The following PLXNA4 variants were observed in gnomAD, a reference collection of about 807,000 sequenced individuals.
The protein encoded by PLXNA4 is plexin-A4.
A neutral mutation model predicts 191.8 loss-of-function variants in PLXNA4; 44 were observed. The ratio of observed to expected loss-of-function variants is 0.23; its 90% CI spans 0.18 to 0.29. PLXNA4 has a LOEUF of 0.29. Ranked by LOEUF, PLXNA4 falls within the 10% of genes least tolerant of loss-of-function variation. The pLI, the probability that PLXNA4 is intolerant of heterozygous loss-of-function variation, is 1.00. For synonymous variants in PLXNA4, 1,082 were observed against 1,009.5 expected (o/e 1.07, Z -1.36); for missense variants, 1,800 against 2,488.8 (o/e 0.72, Z 5.89).
intron 30 of PLXNA4, among the ~76,000 whole-genome samples, chr7:132,140,179 C>A (rs1452659573): frequency 6.6e-6 from 1 of 152,210 alleles, no homozygotes; most frequent in Admixed American, 6.5e-5. Flanking sequence ...GAACTGCCAG[C>A]CAGACGGTAG....
chr7:132,575,941 G>A (rs897849484), intron 1 of PLXNA4, among the ~76,000 whole-genome samples: 2 of 152,150 alleles, frequency 1.3e-5, no homozygotes, highest in African/African-American at 4.8e-5. Context: ...CTGTGGGTCT[G>A]TCTCCCGTTG....
chr7:132,309,394 C>T (rs1801642692), intron 3 of PLXNA4, among the ~76,000 whole-genome samples: 1 of 152,056 alleles, frequency 6.6e-6, no homozygotes, highest in South Asian at 2.1e-4. Flanking sequence ...AGTGGCTCTG[C>T]ATGGTGTCAG....
chr7:132,403,775 G>A, intron 3 of PLXNA4, among the ~76,000 whole-genome samples: 1 of 152,126 alleles, frequency 6.6e-6, no homozygotes, highest in East Asian at 1.9e-4. Context: ...AGGGAAGAGG[G>A]CATTTGGGGG....
In PLXNA4 at chr7:132,460,515, A is replaced by G. The variant is rs144276680; in HGVS notation, c.1371+28777T>C. On this transcript the variant is annotated intron_variant, in intron 3 of 31. Transcript: ENST00000321063. The stretch of plus-strand genomic sequence containing the variant: ...AGTGACAGCTTCATAGGCTTCCCAG[A>G]GGTTCAGGTGGCAAAGAACCTTGGG... Among the ~76,000 whole-genome samples, 719 of 152,292 alleles carry G rather than the reference A, an allele frequency of 4.7e-3. 12 individuals carry two copies. The highest frequency in any genetic ancestry group is 0.016 in the African/African-American group (676 of 41,556).
chr7:132,342,398 TAAG>T (rs1585013739), intron 3 of PLXNA4, among the ~76,000 whole-genome samples: 1 of 152,010 alleles, frequency 6.6e-6, no homozygotes, highest in East Asian at 1.9e-4. Flanking sequence ...GGCTATAAAA[TAAG>T]AAGCTTCTGT....
chr7:132,365,360 T>C (rs79812373), intron 3 of PLXNA4, among the ~76,000 whole-genome samples: 2,841 of 128,814 alleles, frequency 0.022, 83 homozygotes, highest in African/African-American at 0.075. Flanking sequence ...TGTGTGTGTG[T>C]GCGTGCGCGC....
chr7:132,381,775 G>C (rs1035357267), intron 3 of PLXNA4, among the ~76,000 whole-genome samples: 2 of 152,208 alleles, frequency 1.3e-5, no homozygotes, highest in Non-Finnish European at 2.9e-5. Context: ...CCAGGGCTGA[G>C]GCTTTAATGG....
At chr7:132,311,193 T>TGTGTGTGTGTGTGTGTGTGTGTGTGC (rs71178034) in intron 3 of PLXNA4, among the ~76,000 whole-genome samples, 1 of 89,828 alleles carries the variant, frequency 1.1e-5, no homozygotes, top group African/African-American at 3.9e-5. Context: ...TGTGTGTGTG[T>TGTGTGTGTGTGTGTGTGTGTGTGTGC]GCGCGTGTGG....
chr7:132,170,554 G>A (rs1316736682), intron 21 of PLXNA4, among the ~76,000 whole-genome samples: 1 of 152,238 alleles, frequency 6.6e-6, no homozygotes. Flanking sequence ...CGCAGAGGGT[G>A]GCAGAACATT....
At position 132,521,224 on chromosome 7, in the gene PLXNA4, T is replaced by G. The variant is rs1228394948; in HGVS notation, c.-86-12445A>C. Among the ~76,000 whole-genome samples the G allele has an allele frequency of 2.7e-5, 4 of 147,206 alleles. No homozygotes were observed. In the East Asian group the frequency reaches 7.9e-4, roughly 29 times the overall value. ...AAAATTCAGAATGACGGCAACAAAG[T>G]TTTGGGGCCAGGCACTACTACCTGA... is the stretch of plus-strand genomic sequence containing the variant. On this transcript the variant is annotated intron_variant, in intron 1 of 31. Coordinates refer to ENST00000321063, the MANE Select transcript of PLXNA4 (RefSeq NM_020911.2).
chr7:132,322,878 T>C (rs565766630), intron 3 of PLXNA4, among the ~76,000 whole-genome samples: 1 of 152,308 alleles, frequency 6.6e-6, no homozygotes, highest in South Asian at 2.1e-4. Flanking sequence ...CGGCTTCCTG[T>C]GACTTAAGAG....
chr7:132,147,027 AG>A (rs1795456307), intron 27 of PLXNA4, among the ~76,000 whole-genome samples: 1 of 152,228 alleles, frequency 6.6e-6, no homozygotes. Context: ...AGAGTTCTCA[AG>A]TCACGTCTCA....
chr7:132,487,475 C>G (rs1797608481), intron 3 of PLXNA4, among the ~76,000 whole-genome samples: 1 of 152,228 alleles, frequency 6.6e-6, no homozygotes. Context: ...TTAGAATTCA[C>G]TTTTCCAGCA....
rs1476319066 is a variant in PLXNA4, at chr7:132,198,530, C to T, written c.2693G>A (p.Gly898Asp). ...RDIASHVKVA[G>D]VECSPLVDGY... ...ATCCACTAAAGGGCTGCACTCCACG[C>T]CAGCAACCTTGACATGGGAGGCGAT... The change falls in exon 13 of 32, where the codon GGC becomes GAC. Residue 898 changes from glycine (G) to aspartate (D), a missense_variant. Physicochemically the swap from Gly to Asp is moderately conservative, Grantham distance 94. Coordinates refer to ENST00000321063, the MANE Select transcript of PLXNA4 (RefSeq NM_020911.2). The T allele has an allele frequency of 6.2e-7, 1 of 1,614,156 alleles. No individual in the cohort carries two copies. Among genetic ancestry groups the T allele is most frequent in the Non-Finnish European group, 8.5e-7 (1 of 1,180,064 alleles).
At chr7:132,276,442 C>G (rs899811402) in intron 4 of PLXNA4, among the ~76,000 whole-genome samples, 8 of 152,028 alleles carry the variant, frequency 5.3e-5, no homozygotes, top group African/African-American at 1.9e-4. Context: ...CTGCAATGAC[C>G]CCCCCTTTCC....
chr7:132,457,302 T>G (rs1796349738), intron 3 of PLXNA4, among the ~76,000 whole-genome samples: 1 of 152,258 alleles, frequency 6.6e-6, no homozygotes, highest in African/African-American at 2.4e-5. Context: ...ACTGCACTGA[T>G]ATTTTTCTTC....
chr7:132,627,185 C>G (rs565857404), intron 2 of PLXNA4, among the ~76,000 whole-genome samples: 1 of 152,264 alleles, frequency 6.6e-6, no homozygotes, highest in African/African-American at 2.4e-5. Flanking sequence ...TTCCCAACAC[C>G]CATCCCATCA....
At chr7:132,412,416 G>A (rs1417711818) in intron 3 of PLXNA4, among the ~76,000 whole-genome samples, 1 of 152,164 alleles carries the variant, frequency 6.6e-6, no homozygotes, top group Non-Finnish European at 1.5e-5. Flanking sequence ...CTTGCAGACA[G>A]CGACCTGCAG....
At chr7:132,263,272 T>C (rs978220698) in intron 4 of PLXNA4, among the ~76,000 whole-genome samples, 2 of 152,194 alleles carry the variant, frequency 1.3e-5, no homozygotes, top group African/African-American at 4.8e-5. Flanking sequence ...ACTGCAGGAC[T>C]GGCCATGCCA....
Sources: gnomAD v4.1 joint callset for allele counts (sites outside exome capture counted in the v4.1 genomes callset) on GRCh38, gnomAD v4.1.1 for gene constraint, MANE v1.5 for transcripts, NCBI Gene and HGNC (gene_info 2026-07-23, HGNC 2026-07-21) for gene names.